NRXN3: variants seen among roughly 807,000 people sequenced by gnomAD.
NRXN3 encodes the protein neurexin 3.
Under a neutral mutation model 137.6 loss-of-function variants are expected in NRXN3, and 32 were observed. That is an observed-to-expected ratio of 0.23 (90% CI 0.18 to 0.31). The LOEUF (loss-of-function observed/expected upper bound fraction) is 0.31, where lower values mean the gene tolerates loss of function less well. Ranked by LOEUF, NRXN3 falls within the 10% of genes least tolerant of loss-of-function variation. NRXN3 has a pLI of 1.00. For missense variants in NRXN3, 1,574 were observed against 2,062.5 expected (o/e 0.76, Z 4.59); for synonymous variants, 798 against 784.5 (o/e 1.02, Z -0.29).
intron 10 of NRXN3, among the ~76,000 whole-genome samples, chr14:78,931,898 T>C (rs2099323131): frequency 6.6e-6 from 1 of 151,992 alleles, no homozygotes; most frequent in South Asian, 2.1e-4. Context: ...TGTAATCCCA[T>C]TACTTTGAGA....
chr14:79,495,263 C>T (rs532201633), intron 16 of NRXN3, among the ~76,000 whole-genome samples: 1 of 152,292 alleles, frequency 6.6e-6, no homozygotes, highest in Non-Finnish European at 1.5e-5. Context: ...AGCACCACTT[C>T]CACTTCAAAG....
At chr14:79,786,078 A>G (rs1015677964) in intron 19 of NRXN3, among the ~76,000 whole-genome samples, 3 of 152,146 alleles carry the variant, frequency 2.0e-5, no homozygotes, top group Non-Finnish European at 4.4e-5. Context: ...CTGTCTGATT[A>G]ATCAGTTCTT....
chr14:79,370,675 C>T (rs2153433849), intron 15 of NRXN3, among the ~76,000 whole-genome samples: 1 of 152,182 alleles, frequency 6.6e-6, no homozygotes, highest in Middle Eastern at 3.4e-3. Flanking sequence ...CTCCAAAATA[C>T]ATGCTTTTAC....
chr14:78,683,557 T>G (rs771831028), intron 6 of NRXN3, among the ~76,000 whole-genome samples: 2 of 152,202 alleles, frequency 1.3e-5, no homozygotes, highest in Non-Finnish European at 2.9e-5. Context: ...GGTAGACTAG[T>G]GAAAATAAGT....
chr14:78,370,697 C>G (rs1167010531), intron 4 of NRXN3, among the ~76,000 whole-genome samples: 2 of 152,116 alleles, frequency 1.3e-5, no homozygotes, highest in Non-Finnish European at 2.9e-5. Flanking sequence ...TATTGCCATA[C>G]TAAATTTAAA....
intron 4 of NRXN3, among the ~76,000 whole-genome samples, chr14:78,506,308 A>G (rs1028297664): frequency 2.6e-5 from 4 of 152,274 alleles, no homozygotes; most frequent in Admixed American, 2.0e-4. Flanking sequence ...CTTTTAAAAA[A>G]CTAAATAATA....
chr14:78,414,077 GGCCTCCCCA>G (rs1412041710), intron 4 of NRXN3, among the ~76,000 whole-genome samples: 1 of 152,120 alleles, frequency 6.6e-6, no homozygotes, highest in Admixed American at 6.6e-5. Context: ...ATGATAGTGA[GGCCTCCCCA>G]GCCATGTGGA....
chr14:78,275,727 A>G (rs2153494999), intron 2 of NRXN3, among the ~76,000 whole-genome samples: 1 of 152,246 alleles, frequency 6.6e-6, no homozygotes, highest in African/African-American at 2.4e-5. Flanking sequence ...TCACATGACT[A>G]CTACCCTTGG....
intron 4 of NRXN3, among the ~76,000 whole-genome samples, chr14:78,355,928 T>C (rs1436853072): frequency 1.3e-5 from 2 of 152,228 alleles, no homozygotes; most frequent in African/African-American, 4.8e-5. Context: ...CCTTCATTCA[T>C]TGTAGCATTC....
At chr14:78,886,201 T>A (rs1036686272) in intron 10 of NRXN3, among the ~76,000 whole-genome samples, 2 of 152,276 alleles carry the variant, frequency 1.3e-5, no homozygotes, top group African/African-American at 4.8e-5. Context: ...AAATGATCTG[T>A]GTCATATCCT....
At chr14:79,741,246 C>A (rs1336143348) in intron 19 of NRXN3, among the ~76,000 whole-genome samples, 2 of 152,048 alleles carry the variant, frequency 1.3e-5, no homozygotes, top group African/African-American at 4.8e-5. Flanking sequence ...ATATATAGAT[C>A]CAGTGACATG....
intron 4 of NRXN3, among the ~76,000 whole-genome samples, chr14:78,365,109 T>G (rs2085724382): frequency 6.6e-6 from 1 of 152,176 alleles, no homozygotes; most frequent in Non-Finnish European, 1.5e-5. Flanking sequence ...TATTTTGATG[T>G]AGGTTTTATA....
intron 8 of NRXN3, among the ~76,000 whole-genome samples, chr14:78,800,232 G>A (rs1385511011): frequency 2.6e-5 from 4 of 152,054 alleles, no homozygotes; most frequent in South Asian, 2.1e-4. Context: ...GAATCAGACC[G>A]CCTGCATGCA....
intron 19 of NRXN3, among the ~76,000 whole-genome samples, chr14:79,706,258 A>C (rs1051217731): frequency 6.6e-6 from 1 of 152,152 alleles, no homozygotes; most frequent in African/African-American, 2.4e-5. Flanking sequence ...TATAGTTTTC[A>C]AATCACTTTT....
At chr14:78,551,052 C>T (rs1198668540) in intron 4 of NRXN3, among the ~76,000 whole-genome samples, 1 of 152,232 alleles carries the variant, frequency 6.6e-6, no homozygotes, top group East Asian at 1.9e-4. Context: ...GGATACAAGA[C>T]CTTTCTCATA....
At chr14:78,292,970 C>G (rs2075958101) in intron 3 of NRXN3, among the ~76,000 whole-genome samples, 1 of 152,198 alleles carries the variant, frequency 6.6e-6, no homozygotes, top group Non-Finnish European at 1.5e-5. Flanking sequence ...ATTTTTACCC[C>G]TTCCTCATCT....
At chr14:79,335,402 A>G (rs2092168532) in intron 15 of NRXN3, among the ~76,000 whole-genome samples, 1 of 152,022 alleles carries the variant, frequency 6.6e-6, no homozygotes, top group Admixed American at 6.6e-5. Context: ...TTTCTTCTTC[A>G]GAGTAGGTAC....
At chr14:79,706,283 A>G (rs1555647476) in intron 19 of NRXN3, among the ~76,000 whole-genome samples, 1 of 152,152 alleles carries the variant, frequency 6.6e-6, no homozygotes, top group Non-Finnish European at 1.5e-5. Context: ...ATGTAATATC[A>G]CCCACCTTTC....
intron 2 of NRXN3, among the ~76,000 whole-genome samples, chr14:78,273,009 G>A (rs1567138373): frequency 1.3e-5 from 2 of 152,136 alleles, no homozygotes; most frequent in Admixed American, 6.5e-5. Flanking sequence ...TATTTGCATA[G>A]ATATTTCCTC....
Sources: allele counts gnomAD v4.1 joint callset (sites outside exome capture counted in the v4.1 genomes callset), GRCh38; gene constraint gnomAD v4.1.1; transcripts MANE v1.5; gene names NCBI Gene and HGNC (gene_info 2026-07-23, HGNC 2026-07-21).